The following PXDNL variants were observed in gnomAD, a reference collection of about 807,000 sequenced individuals.
The protein encoded by PXDNL is probable oxidoreductase PXDNL.
PXDNL carries 145 observed loss-of-function variants against 150.8 expected under a neutral mutation model. The ratio of observed to expected loss-of-function variants is 0.96; its 90% confidence interval spans 0.84 to 1.10. The LOEUF (loss-of-function observed/expected upper bound fraction) is 1.10. PXDNL is among the 50% of genes least tolerant of loss of function. The probability of loss-of-function intolerance (pLI) is 0.00; values close to 1 mark genes in which losing one functional copy is unlikely to be tolerated. For synonymous variants in PXDNL, 757 were observed against 725.7 expected (o/e 1.04, Z -0.69); for missense variants, 2,087 against 1,873.9 (o/e 1.11, Z -2.10).
chr8:51,639,880 G>C lies in PXDNL; in HGVS notation c.236+14809C>G, dbSNP rs536906846. On this transcript the variant is annotated intron_variant, in intron 2 of 22. Transcript: ENST00000356297. ...AGGCCAGCATCATCCTGATACCAAAGCCAGGAAGAGACGCAACCAAAAAAG... is the reference window on the plus strand; with the variant it reads ...AGGCCAGCATCATCCTGATACCAAACCCAGGAAGAGACGCAACCAAAAAAG... Among the ~76,000 whole-genome samples the C allele has an allele frequency of 6.7e-4, 102 of 152,184 alleles. 1 individual carries two copies. The highest frequency in any genetic ancestry group is 1.3e-3 in the Non-Finnish European group (87 of 68,020).
chr8:51,738,218 T>C (rs1817078743), intron 1 of PXDNL, among the ~76,000 whole-genome samples: 1 of 152,226 alleles, frequency 6.6e-6, no homozygotes, highest in Admixed American at 6.5e-5. Context: ...AGTGTTTTCC[T>C]ATTGTTTTCA....
chr8:51,600,313 A>C (rs1252139433), intron 2 of PXDNL, among the ~76,000 whole-genome samples: 1 of 100,624 alleles, frequency 9.9e-6, no homozygotes, highest in Non-Finnish European at 2.0e-5. Flanking sequence ...TATGGTTTAG[A>C]TAATAAATTA....
intron 12 of PXDNL, among the ~76,000 whole-genome samples, chr8:51,430,635 G>A (rs959176608): frequency 1.3e-5 from 2 of 149,466 alleles, no homozygotes; most frequent in Non-Finnish European, 3.0e-5. Flanking sequence ...TACACTAGGG[G>A]CTGTGTCTCT....
intron 4 of PXDNL, among the ~76,000 whole-genome samples, chr8:51,537,873 C>T (rs1280054738): frequency 1.3e-5 from 2 of 152,024 alleles, no homozygotes; most frequent in African/African-American, 4.8e-5. Context: ...GAAGGAATAT[C>T]AATGAGGAAT....
chr8:51,652,850 G>C (rs1188330909), intron 2 of PXDNL, among the ~76,000 whole-genome samples: 5 of 152,074 alleles, frequency 3.3e-5, no homozygotes, highest in African/African-American at 1.2e-4. Context: ...TATTATCCAT[G>C]GTTTCTGCCA....
chr8:51,802,171 GTTTT>G, intron 1 of PXDNL, among the ~76,000 whole-genome samples: 1 of 142,666 alleles, frequency 7.0e-6, no homozygotes, highest in East Asian at 2.0e-4. Flanking sequence ...CATGTTCAAG[GTTTT>G]TTTTTTTTTA....
At chr8:51,574,519 G>A (rs1455855070) in intron 3 of PXDNL, among the ~76,000 whole-genome samples, 1 of 151,832 alleles carries the variant, frequency 6.6e-6, no homozygotes, top group Non-Finnish European at 1.5e-5. Context: ...AAGAAACAAT[G>A]ACTGAAAACT....
At chr8:51,598,135 G>C (rs1199905120) in intron 2 of PXDNL, among the ~76,000 whole-genome samples, 3 of 152,098 alleles carry the variant, frequency 2.0e-5, no homozygotes. Flanking sequence ...GAAGGTTTAT[G>C]GTGGAATTTT....
At chr8:51,466,133 A>C (rs1380586192) in intron 8 of PXDNL, among the ~76,000 whole-genome samples, 1 of 152,302 alleles carries the variant, frequency 6.6e-6, no homozygotes, top group East Asian at 1.9e-4. Context: ...GAAGCATCAC[A>C]TTATCCAACA....
At chr8:51,621,160 T>C (rs1337562236) in intron 2 of PXDNL, among the ~76,000 whole-genome samples, 1 of 152,208 alleles carries the variant, frequency 6.6e-6, no homozygotes, top group East Asian at 1.9e-4. Flanking sequence ...ATAAATATTA[T>C]TCTCAAATTT....
At chr8:51,419,607 G>A (rs952166757) in intron 14 of PXDNL, among the ~76,000 whole-genome samples, 26 of 152,164 alleles carry the variant, frequency 1.7e-4, no homozygotes, top group Admixed American at 2.0e-4. Context: ...TCATATAAAT[G>A]TGTTTTGTGC....
rs34839954 is a variant in PXDNL, at chr8:51,490,625, CAT to C, written c.453-6913_453-6912del. Among the ~76,000 whole-genome samples the C allele has an allele frequency of 9.7e-3, 1,442 of 148,590 alleles. 23 individuals are homozygous for C. Among genetic ancestry groups the C allele is most frequent in the African/African-American group, 0.032 (1,297 of 40,490 alleles). On this transcript the variant is annotated intron_variant, in intron 5 of 22. Coordinates refer to ENST00000356297, the MANE Select transcript of PXDNL (RefSeq NM_144651.5). The stretch of plus-strand genomic sequence containing the variant: ...TTTAGTGGACTTTATTTATGAGTCA[CAT>C]ATATATATACATATATATACATATA...
Position 51,607,695 on chromosome 8 carries a change from C to T in PXDNL, c.237-14997G>A, listed in dbSNP as rs559039487. ...ATCTCTACTAAAAATACAAAATTAG[C>T]CAGGCACGGTGGTGCATGCCTGTAG... On this transcript the variant is annotated intron_variant, in intron 2 of 22. Coordinates refer to ENST00000356297, the MANE Select transcript of PXDNL (RefSeq NM_144651.5). Among the ~76,000 whole-genome samples, 82 of 148,396 alleles carry T rather than the reference C, an allele frequency of 5.5e-4. 9 individuals are homozygous for T. Among genetic ancestry groups the T allele is most frequent in the African/African-American group, 2.1e-3 (82 of 38,626 alleles).
At chr8:51,420,266 T>A (rs1288564339) in intron 14 of PXDNL, among the ~76,000 whole-genome samples, 1 of 152,206 alleles carries the variant, frequency 6.6e-6, no homozygotes, top group Non-Finnish European at 1.5e-5. Flanking sequence ...GAACTTTTCC[T>A]TTTAGTTATA....
chr8:51,369,190 C>T (rs1039489767), intron 19 of PXDNL, among the ~76,000 whole-genome samples: 2 of 152,028 alleles, frequency 1.3e-5, no homozygotes, highest in Admixed American at 6.6e-5. Flanking sequence ...TTGGGAAATT[C>T]GCAACTTCAG....
chr8:51,365,077 A>T (rs951891273), intron 19 of PXDNL, among the ~76,000 whole-genome samples: 21 of 152,130 alleles, frequency 1.4e-4, no homozygotes, highest in African/African-American at 5.1e-4. Flanking sequence ...AGTAGCTGGG[A>T]TTACAGGCAC....
intron 5 of PXDNL, among the ~76,000 whole-genome samples, chr8:51,488,915 C>T (rs1184100547): frequency 1.3e-5 from 2 of 152,156 alleles, no homozygotes; most frequent in Non-Finnish European, 2.9e-5. Flanking sequence ...ATTACATGTA[C>T]TCAGAGACTG....
intron 1 of PXDNL, among the ~76,000 whole-genome samples, chr8:51,808,026 AAATT>A (rs1307998333): frequency 2.0e-5 from 3 of 152,232 alleles, no homozygotes; most frequent in South Asian, 2.1e-4. Flanking sequence ...CATGCATATA[AAATT>A]AATGAAATGC....
At chr8:51,375,538 T>C (rs1002139459) in intron 17 of PXDNL, among the ~76,000 whole-genome samples, 3 of 152,244 alleles carry the variant, frequency 2.0e-5, no homozygotes, top group Non-Finnish European at 4.4e-5. Context: ...AATGGAAATA[T>C]AGTATTCATA....
Sources: gnomAD v4.1 joint callset for allele counts (sites outside exome capture counted in the v4.1 genomes callset) on GRCh38, gnomAD v4.1.1 for gene constraint, MANE v1.5 for transcripts, NCBI Gene and HGNC (gene_info 2026-07-23, HGNC 2026-07-21) for gene names.